THEMIS: variants seen among roughly 807,000 people sequenced by gnomAD.
THEMIS encodes the protein thymocyte selection associated.
In THEMIS, 37 loss-of-function variants were observed where a neutral mutation model predicts 52.6. The observed-to-expected ratio is 0.70, with a 90% confidence interval of 0.54 to 0.93. The LOEUF (loss-of-function observed/expected upper bound fraction) is 0.93, where lower values mean the gene tolerates loss of function less well. THEMIS is among the 40% of genes least tolerant of loss of function. The probability of loss-of-function intolerance (pLI) is 0.00; values close to 1 mark genes in which losing one functional copy is unlikely to be tolerated. For missense variants in THEMIS, 808 were observed against 763.1 expected, an observed-to-expected ratio of 1.06 and a Z score of -0.69; for synonymous variants, 292 against 272.7, an observed-to-expected ratio of 1.07 and a Z score of -0.70.
At chr6:127,727,630 T>C (rs1285304657) in intron 4 of THEMIS, among the ~76,000 whole-genome samples, 1 of 152,178 alleles carries the variant, frequency 6.6e-6, no homozygotes, top group Non-Finnish European at 1.5e-5. Context: ...GGCAATCTGA[T>C]TTAAAACATT....
intron 3 of THEMIS, among the ~76,000 whole-genome samples, chr6:127,819,687 T>C (rs1039927684): frequency 6.6e-6 from 1 of 152,132 alleles, no homozygotes; most frequent in African/African-American, 2.4e-5. Flanking sequence ...TCCAGTGAAA[T>C]CATCCTTCAA....
At chr6:127,819,966 T>A (rs1049638684) in intron 3 of THEMIS, among the ~76,000 whole-genome samples, 1 of 152,162 alleles carries the variant, frequency 6.6e-6, no homozygotes, top group Non-Finnish European at 1.5e-5. Flanking sequence ...TTTGGATGAT[T>A]ATAGCACACA....
At chr6:127,874,073 A>C (rs1780238955) in intron 1 of THEMIS, among the ~76,000 whole-genome samples, 1 of 152,236 alleles carries the variant, frequency 6.6e-6, no homozygotes, top group Non-Finnish European at 1.5e-5. Flanking sequence ...TGCTGTTTTC[A>C]AGGTTTACGG....
intron 5 of THEMIS, among the ~76,000 whole-genome samples, chr6:127,714,357 G>T (rs1028704181): frequency 6.6e-6 from 1 of 151,176 alleles, no homozygotes; most frequent in Non-Finnish European, 1.5e-5. Context: ...TTTATTCATA[G>T]ATATTAAAAT....
intron 4 of THEMIS, among the ~76,000 whole-genome samples, chr6:127,741,759 A>G (rs1387323894): frequency 2.6e-5 from 4 of 152,228 alleles, no homozygotes; most frequent in Admixed American, 2.6e-4. Context: ...GCTGGCCAAA[A>G]TAATGGGTCA....
chr6:127,702,256 G>C, the THEMIS span, among the ~76,000 whole-genome samples: 2 of 152,114 alleles, frequency 1.3e-5, 1 homozygote, highest in Non-Finnish European at 2.9e-5. Context: ...TTGTCCAATT[G>C]ATGTCCAAGT....
At chr6:127,911,844 T>G (rs1045002165) in intron 1 of THEMIS, among the ~76,000 whole-genome samples, 1 of 151,516 alleles carries the variant, frequency 6.6e-6, no homozygotes, top group Non-Finnish European at 1.5e-5. Flanking sequence ...GAGTCCCCAC[T>G]GGGACACTGC....
chr6:127,791,905 G>A (rs1777170146), intron 4 of THEMIS, among the ~76,000 whole-genome samples: 1 of 152,220 alleles, frequency 6.6e-6, no homozygotes, highest in Admixed American at 6.5e-5. Context: ...TGGGCACTGG[G>A]AATGGGCAGA....
chr6:127,876,678 C>T (rs986265251), intron 1 of THEMIS, among the ~76,000 whole-genome samples: 4 of 152,086 alleles, frequency 2.6e-5, no homozygotes, highest in African/African-American at 7.2e-5. Context: ...CAGGAGACAA[C>T]ATAAATCAAC....
chr6:127,756,715 C>T (rs537695369), intron 4 of THEMIS, among the ~76,000 whole-genome samples: 21 of 152,236 alleles, frequency 1.4e-4, no homozygotes, highest in Non-Finnish European at 2.1e-4. Context: ...TGGTTCATTG[C>T]TTAGCTTTTA....
intron 4 of THEMIS, among the ~76,000 whole-genome samples, chr6:127,755,559 A>G: frequency 6.6e-6 from 1 of 152,132 alleles, no homozygotes. Flanking sequence ...TCTGTGTTGT[A>G]TAAACATTTT....
In THEMIS at chr6:127,813,274, G is replaced by T. The variant is rs1322542357; in HGVS notation, c.1367C>A (p.Pro456His). ...ISELCKQFRL[P>H]FNVKVSVRDL... ...CCTGACAGACACCTTCACATTGAAG[G>T]GCAAACGGAACTGTTTACAGAGCTC... The change falls in exon 4 of 6, where the codon CCC (proline) becomes CAC (histidine). Residue 456 changes from proline (P) to histidine (H), a missense_variant. Transcript: ENST00000368248. The T allele has an allele frequency of 6.2e-7, 1 of 1,614,044 alleles. No homozygotes were observed. Among genetic ancestry groups the T allele is most frequent in the Non-Finnish European group, 8.5e-7 (1 of 1,180,004 alleles).
chr6:127,698,655 G>C, the THEMIS span, among the ~76,000 whole-genome samples: 1 of 151,970 alleles, frequency 6.6e-6, no homozygotes, highest in South Asian at 2.1e-4. Flanking sequence ...CTATTCTCCT[G>C]TTGTGGGTGT....
intron 3 of THEMIS, among the ~76,000 whole-genome samples, chr6:127,828,208 G>C (rs902573100): frequency 1.3e-5 from 2 of 152,070 alleles, no homozygotes; most frequent in African/African-American, 4.8e-5. Flanking sequence ...GTAACTATGC[G>C]ATAGGCAGGA....
intron 1 of THEMIS, among the ~76,000 whole-genome samples, chr6:127,916,614 G>C (rs896261632): frequency 2.0e-5 from 3 of 152,198 alleles, no homozygotes; most frequent in African/African-American, 7.2e-5. Flanking sequence ...AAAATGGATA[G>C]AATTTATTCA....
chr6:127,816,393 T>G (rs1470478224), intron 3 of THEMIS, among the ~76,000 whole-genome samples: 2 of 152,152 alleles, frequency 1.3e-5, no homozygotes, highest in African/African-American at 4.8e-5. Context: ...GCAGTATGTC[T>G]ACTTCAGATC....
intron 3 of THEMIS, among the ~76,000 whole-genome samples, chr6:127,815,249 T>G (rs1365288166): frequency 6.6e-6 from 1 of 152,156 alleles, no homozygotes; most frequent in Non-Finnish European, 1.5e-5. Context: ...AACATAAATT[T>G]TATAGCATTT....
chr6:127,710,150 G>A, intron 5 of THEMIS, 134 bp from the exon 6 acceptor site: 6 of 495,418 alleles, frequency 1.2e-5, no homozygotes, highest in South Asian at 3.8e-5. Flanking sequence ...AAAGCAGAAA[G>A]AGCCAGCAAA....
intron 2 of THEMIS, among the ~76,000 whole-genome samples, chr6:127,842,271 G>A (rs897291717): frequency 4.0e-5 from 6 of 151,846 alleles, no homozygotes; most frequent in Non-Finnish European, 8.8e-5. Context: ...AATGAATGAC[G>A]ATTGAATGTA....
Sources: gnomAD v4.1 joint callset for allele counts (sites outside exome capture counted in the v4.1 genomes callset) on GRCh38, gnomAD v4.1.1 for gene constraint, MANE v1.5 for transcripts, NCBI Gene and HGNC (gene_info 2026-07-23, HGNC 2026-07-21) for gene names.